SERGEF: variants seen among roughly 807,000 people sequenced by gnomAD.
SERGEF encodes secretion-regulating guanine nucleotide exchange factor.
In SERGEF, 51 loss-of-function variants were observed where a neutral mutation model predicts 50.0. The ratio of observed to expected loss-of-function variants is 1.02; its 90% confidence interval spans 0.81 to 1.29. The LOEUF is 1.29. Among genes scored for constraint, SERGEF ranks in the 50% most tolerant of loss-of-function variants. SERGEF has a pLI of 0.00. For missense variants in SERGEF, 521 were observed against 557.0 expected (o/e 0.94, Z 0.65); for synonymous variants, 205 against 212.4 (o/e 0.97, Z 0.30).
At chr11:17,930,447 C>G (rs961064335) in intron 9 of SERGEF, among the ~76,000 whole-genome samples, 2 of 152,150 alleles carry the variant, frequency 1.3e-5, no homozygotes, top group African/African-American at 4.8e-5. Context: ...TTCAGTGTGT[C>G]TGACCAAGGT....
At chr11:17,983,292 T>C (rs941020416) in intron 8 of SERGEF, among the ~76,000 whole-genome samples, 1 of 152,146 alleles carries the variant, frequency 6.6e-6, no homozygotes, top group African/African-American at 2.4e-5. Context: ...AACCAGCACT[T>C]GTAACCAGCA....
At chr11:17,857,677 T>C (rs2133879091) in intron 10 of SERGEF, among the ~76,000 whole-genome samples, 1 of 152,340 alleles carries the variant, frequency 6.6e-6, no homozygotes, top group African/African-American at 2.4e-5. Flanking sequence ...AAGGCCACGG[T>C]GCCAAGGCTT....
intron 10 of SERGEF, among the ~76,000 whole-genome samples, chr11:17,870,913 G>A (rs1851127165): frequency 6.6e-6 from 1 of 152,034 alleles, no homozygotes; most frequent in Non-Finnish European, 1.5e-5. Flanking sequence ...GAATCTAAAA[G>A]CACATCAACA....
intron 10 of SERGEF, among the ~76,000 whole-genome samples, chr11:17,800,365 C>A (rs1452674242): frequency 6.6e-6 from 1 of 152,258 alleles, no homozygotes; most frequent in South Asian, 2.1e-4. Context: ...ACGGGTTTGA[C>A]AAATGTATAA....
At chr11:17,925,830 A>G (rs1319605500) in intron 9 of SERGEF, among the ~76,000 whole-genome samples, 2 of 152,230 alleles carry the variant, frequency 1.3e-5, no homozygotes, top group Non-Finnish European at 2.9e-5. Flanking sequence ...ATAAGACTCA[A>G]AAGACCTGAA....
Position 18,006,582 on chromosome 11 carries a change from T to A in SERGEF, c.352+9A>T. 6.2e-7 allele frequency: 1 copy of A among 1,612,166 alleles called. No homozygotes were observed. The highest frequency in any genetic ancestry group is 8.5e-7 in the Non-Finnish European group (1 of 1,179,278). On this transcript the variant is annotated intron_variant, in intron 3 of 10. Coordinates refer to ENST00000265965, the MANE Select transcript of SERGEF (RefSeq NM_012139.4). Reference sequence around the variant, plus strand: ...GTGGTGACAAAAATCTACCTAGGAGTGAACTCACCTGTGAGCATAATCGTA... The same window carrying A: ...GTGGTGACAAAAATCTACCTAGGAGAGAACTCACCTGTGAGCATAATCGTA...
intron 10 of SERGEF, among the ~76,000 whole-genome samples, chr11:17,827,081 A>AT (rs1316439237): frequency 1.3e-5 from 2 of 152,214 alleles, no homozygotes; most frequent in Non-Finnish European, 1.5e-5. Flanking sequence ...CAAGCCTGAG[A>AT]TTTTATTATT....
intron 8 of SERGEF, among the ~76,000 whole-genome samples, chr11:17,961,209 A>C (rs917410851): frequency 6.6e-6 from 1 of 152,202 alleles, no homozygotes; most frequent in African/African-American, 2.4e-5. Flanking sequence ...CTACTAGCCC[A>C]TGGTATTACT....
intron 10 of SERGEF, among the ~76,000 whole-genome samples, chr11:17,844,842 A>G (rs1850573911): frequency 6.6e-6 from 1 of 152,098 alleles, no homozygotes; most frequent in Non-Finnish European, 1.5e-5. Flanking sequence ...TCCCTGGGCC[A>G]CACTGGAAGA....
At chr11:17,925,653 T>C (rs905780032) in intron 9 of SERGEF, among the ~76,000 whole-genome samples, 1 of 152,200 alleles carries the variant, frequency 6.6e-6, no homozygotes, top group Non-Finnish European at 1.5e-5. Flanking sequence ...AAGGGCTCAA[T>C]TTGGTAAAAA....
At chr11:17,992,874 G>T in intron 7 of SERGEF, 57 bp downstream of exon 7, 1 of 1,386,870 alleles carries the variant, frequency 7.2e-7, no homozygotes, top group Non-Finnish European at 1.0e-6. Context: ...ACCACTTCAG[G>T]CAGTCACATA....
At chr11:17,810,500 C>T (rs1242276361) in intron 10 of SERGEF, among the ~76,000 whole-genome samples, 3 of 152,180 alleles carry the variant, frequency 2.0e-5, no homozygotes, top group South Asian at 2.1e-4. Flanking sequence ...GATCATTGGC[C>T]CAACCCTCAA....
intron 8 of SERGEF, among the ~76,000 whole-genome samples, chr11:17,980,606 TAGAAGTTAC>T (rs1247276382): frequency 1.3e-5 from 2 of 152,236 alleles, no homozygotes; most frequent in Non-Finnish European, 2.9e-5. Flanking sequence ...TTCAACAAAT[TAGAAGTTAC>T]AGTATGGTTA....
chr11:17,873,685 AG>A (rs1473625142), intron 10 of SERGEF, among the ~76,000 whole-genome samples: 1 of 151,902 alleles, frequency 6.6e-6, no homozygotes, highest in African/African-American at 2.4e-5. Flanking sequence ...GAGGAGGAGG[AG>A]GAGGAGGAGG....
intron 10 of SERGEF, among the ~76,000 whole-genome samples, chr11:17,838,930 A>G (rs867247698): frequency 2.0e-5 from 3 of 152,344 alleles, no homozygotes; most frequent in Non-Finnish European, 4.4e-5. Flanking sequence ...AGCCCTGCCA[A>G]TAATTAGTTG....
intron 1 of SERGEF, among the ~76,000 whole-genome samples, chr11:18,009,023 A>G (rs1167916673): frequency 6.6e-6 from 1 of 152,056 alleles, no homozygotes; most frequent in East Asian, 1.9e-4. Flanking sequence ...CTCAGGACAG[A>G]GAGAGTTTCA....
intron 8 of SERGEF, among the ~76,000 whole-genome samples, chr11:17,974,839 C>T (rs978969365): frequency 1.3e-5 from 2 of 152,094 alleles, no homozygotes; most frequent in East Asian, 1.9e-4. Context: ...GGTGCTGTAA[C>T]GTTTTAAAGT....
intron 1 of SERGEF, chr11:18,010,195 AC>A (rs1854167916): frequency 1.6e-6 from 1 of 623,400 alleles, no homozygotes; most frequent in African/African-American, 1.9e-5. Context: ...ATACATACTT[AC>A]ATACATACAT....
At chr11:17,801,701 C>T (rs766108545) in intron 10 of SERGEF, among the ~76,000 whole-genome samples, 3 of 151,892 alleles carry the variant, frequency 2.0e-5, no homozygotes, top group Non-Finnish European at 4.4e-5. Flanking sequence ...GAATGTATTC[C>T]CCAAATACAG....
Sources: gnomAD v4.1 joint callset for allele counts (sites outside exome capture counted in the v4.1 genomes callset) on GRCh38, gnomAD v4.1.1 for gene constraint, MANE v1.5 for transcripts, NCBI Gene and HGNC (gene_info 2026-07-23, HGNC 2026-07-21) for gene names.